Variants in MRPS5 observed in about 807,000 individuals in gnomAD.
The protein encoded by MRPS5 is mitochondrial ribosomal protein S5.
A neutral mutation model predicts 51.9 loss-of-function variants in MRPS5; 27 were observed. The observed-to-expected ratio is 0.52, with a 90% CI of 0.38 to 0.72. The LOEUF is 0.72. Among genes scored for constraint, MRPS5 ranks in the 30% least tolerant of loss-of-function variants. MRPS5 has a pLI of 0.00. For missense variants in MRPS5, 570 were observed against 545.7 expected (o/e 1.04, Z -0.44); for synonymous variants, 196 against 193.2 (o/e 1.01, Z -0.12).
At chr2:95,110,125 G>A in intron 3 of MRPS5, 84 bp from the exon 4 acceptor site, 2 of 1,520,596 alleles carry the variant, frequency 1.3e-6, no homozygotes, top group Non-Finnish European at 1.8e-6. Context: ...TAAGAGAAGT[G>A]GAGGTCAGCT....
chr2:95,099,655 A>G (rs187044169), intron 10 of MRPS5, among the ~76,000 whole-genome samples: 79 of 152,320 alleles, frequency 5.2e-4, no homozygotes, highest in Non-Finnish European at 1.2e-4. Context: ...CACCTTTTCT[A>G]AAGACAAAAC....
chr2:95,109,936 C>A lies in MRPS5; in HGVS notation c.383G>T (p.Arg128Met). ...TKKKKRKDLN[R>M]GQIIGEGRYG... ...TTTACCTTCACCAATGATCTGACCC[C>A]TGTTCAGATCCTTTCTTTTCTTCTT... The change falls in exon 4 of 12, where the codon AGG (arginine) becomes ATG (methionine). Residue 128 changes from arginine (R) to methionine (M), a missense_variant. Arg to Met is a moderately conservative substitution (Grantham distance 91). Transcript: ENST00000272418. 1 of 1,613,336 alleles carries A rather than the reference C, an allele frequency of 6.2e-7. No individual in the cohort carries two copies. Among genetic ancestry groups the A allele is most frequent in the South Asian group, 1.1e-5 (1 of 91,026 alleles).
intron 3 of MRPS5, among the ~76,000 whole-genome samples, chr2:95,114,030 G>A (rs1388190389): frequency 7.3e-6 from 1 of 137,240 alleles, no homozygotes; most frequent in African/African-American, 2.7e-5. Flanking sequence ...TGAGGCAGGA[G>A]AATCGCTCAA....
chr2:95,089,598 T>C (rs1034883895), intron 11 of MRPS5, among the ~76,000 whole-genome samples: 1 of 152,098 alleles, frequency 6.6e-6, no homozygotes, highest in Non-Finnish European at 1.5e-5. Flanking sequence ...AGTAACCTGA[T>C]ATGTTAATGT....
intron 3 of MRPS5, among the ~76,000 whole-genome samples, chr2:95,114,292 C>T (rs1676217732): frequency 6.7e-6 from 1 of 150,340 alleles, no homozygotes; most frequent in Admixed American, 6.6e-5. Context: ...GAGTCTCGCT[C>T]TGTGGCCCAG....
chr2:95,100,378 G>A, intron 10 of MRPS5, 96 bp downstream of exon 10: 1 of 850,110 alleles, frequency 1.2e-6, no homozygotes, highest in Non-Finnish European at 1.9e-6. Context: ...TTTCCAAGAT[G>A]AGTTCAACTA....
In MRPS5 at chr2:95,090,412, C is replaced by T; in HGVS notation, c.1042G>A (p.Gly348Ser). The T allele has an allele frequency of 6.2e-7, 1 of 1,613,892 alleles. No homozygotes were observed. ...GSINMLSLTQ[G>S]LFRGLSRQET... ...TGTCTGGAGAGCCCACGGAAGAGGC[C>T]CTGGGTGAGGCTGAGCATATTAATG... is the stretch of plus-strand genomic sequence containing the variant. Residue 348 changes from glycine (G) to serine (S), a missense_variant, in exon 11 of 12, where the codon GGC (glycine) becomes AGC (serine). By Grantham distance (56) the Gly-to-Ser change is moderately conservative (BLOSUM62 0). Transcript: ENST00000272418.
rs1372352820 is a variant in MRPS5, at chr2:95,104,641, T to C, written c.762A>G (p.Ala254=). The C allele has an allele frequency of 6.2e-7, 1 of 1,614,114 alleles. No individual in the cohort carries two copies. Among genetic ancestry groups the C allele is most frequent in the South Asian group, 1.1e-5 (1 of 91,084 alleles). Reference sequence around the variant, plus strand: ...GTGATGCCATCACTCCCCATTCACCTGCAGCTCCTTTTCCGTTCCCCACAG... The same window carrying C: ...GTGATGCCATCACTCCCCATTCACCCGCAGCTCCTTTTCCGTTCCCCACAG... The part of the protein sequence containing the change: ...LVAVGNGKGA[A]GFSIGKATDR... Residue 254 remains alanine, a splice_region_variant and synonymous_variant, in exon 7 of 12, where the codon GCA becomes GCG. Coordinates refer to ENST00000272418, the MANE Select transcript of MRPS5 (RefSeq NM_031902.5).
intron 3 of MRPS5, among the ~76,000 whole-genome samples, chr2:95,114,453 A>G (rs1454041525): frequency 5.9e-5 from 9 of 151,946 alleles, no homozygotes; most frequent in Admixed American, 3.3e-4. Context: ...TTGTATTTTT[A>G]GTAGAGACAG....
At chr2:95,104,380 A>G (rs1170229066) in intron 7 of MRPS5, 2 of 484,226 alleles carry the variant, frequency 4.1e-6, no homozygotes, top group Middle Eastern at 5.9e-4. Flanking sequence ...ACTATTATAC[A>G]TAATAAAATA....
chr2:95,096,708 T>C (rs1675637665), intron 10 of MRPS5, among the ~76,000 whole-genome samples: 1 of 152,190 alleles, frequency 6.6e-6, no homozygotes, highest in African/African-American at 2.4e-5. Context: ...AAGAGCTATT[T>C]ATGACAAACC....
In MRPS5 at chr2:95,108,376, C is replaced by T; in HGVS notation, c.436G>A (p.Val146Ile). The T allele has an allele frequency of 1.2e-6, 2 of 1,614,104 alleles. No homozygotes were observed. The highest frequency in any genetic ancestry group is 1.7e-6 in the Non-Finnish European group (2 of 1,180,022). ...ACTGCTCCATTTTTCATAAGAGGGACATTCAGTCCGGGCCATAGAAAACCA... is the reference window on the plus strand; with the variant it reads ...ACTGCTCCATTTTTCATAAGAGGGATATTCAGTCCGGGCCATAGAAAACCA... ...RYGFLWPGLN[V>I]PLMKNGAVQT... Residue 146 changes from valine to isoleucine, a missense_variant, in exon 5 of 12, where the codon GTC becomes ATC. Transcript: ENST00000272418.
At chr2:95,106,385 C>CAAAA in intron 6 of MRPS5, 38 bp downstream of exon 6, 4 of 925,210 alleles carry the variant, frequency 4.3e-6, no homozygotes, top group Non-Finnish European at 6.6e-6. Context: ...CCCAACCTCT[C>CAAAA]CAAAGGCTTA....
rs1400373951 is a variant in MRPS5 at position 95,087,093 on chromosome 2, C to T, written c.*264G>A. 1.1e-5 allele frequency: 4 copies of T among 369,268 alleles called. No homozygotes were observed. The highest frequency in any genetic ancestry group is 1.9e-5 in the Non-Finnish European group (4 of 207,288). The allele number at this position is 369,268 out of a possible 1,614,324, so 22.9% of individuals were successfully genotyped here. A position where few individuals can be genotyped will look rare whatever the true frequency, so the allele number is the denominator to read the frequency against. On this transcript the variant is annotated 3_prime_UTR_variant, in exon 12 of 12. Transcript: ENST00000272418. ...ACTGATTGGGTCAAATTATTAACCC[C>T]GTCTCCCTAATTCATTTACTTTTGT...
chr2:95,101,618 C>A (rs1164362042), intron 8 of MRPS5, 59 bp downstream of exon 8: 3 of 1,340,002 alleles, frequency 2.2e-6, no homozygotes, highest in East Asian at 4.7e-5. Flanking sequence ...CCCACTGTGT[C>A]TGGCATATAA....
chr2:95,113,992 C>T (rs537351911), intron 3 of MRPS5, among the ~76,000 whole-genome samples: 1 of 151,114 alleles, frequency 6.6e-6, no homozygotes, highest in Admixed American at 6.6e-5. Context: ...TGGTGGCACG[C>T]CCCTGTAGTC....
At position 95,086,725 on chromosome 2, in the gene MRPS5, A is replaced by G. The variant is rs1258194444; in HGVS notation, c.*632T>C. Among the ~76,000 whole-genome samples the G allele has an allele frequency of 6.6e-6, 1 of 152,234 alleles. No homozygotes were observed. Among genetic ancestry groups the G allele is most frequent in the Non-Finnish European group, 1.5e-5 (1 of 68,042 alleles). On this transcript the variant is annotated 3_prime_UTR_variant, in exon 12 of 12. Transcript: ENST00000272418. ...TCTAGAAACTATAAGGAACTCAATA[A>G]TAATAAAAAATAACTTTTTAAATGG...
At position 95,108,173 on chromosome 2, in the gene MRPS5, A is replaced by G. The variant is rs370921934; in HGVS notation, c.637+2T>C. The G allele has an allele frequency of 5.0e-6, 8 of 1,613,462 alleles. No homozygotes were observed. Among genetic ancestry groups the G allele is most frequent in the African/African-American group, 2.7e-5 (2 of 74,910 alleles). On this transcript the variant is annotated splice_donor_variant, in intron 5 of 11. Coordinates refer to ENST00000272418, the MANE Select transcript of MRPS5 (RefSeq NM_031902.5). LOFTEE classifies it high-confidence loss of function. ...AGGCAAACAAAACCAGGAGTTTGCTACCTCCACAGGGACCAGGGTCAGGGG... is the reference window on the plus strand; with the variant it reads ...AGGCAAACAAAACCAGGAGTTTGCTGCCTCCACAGGGACCAGGGTCAGGGG...
At chr2:95,106,321 T>C (rs761888155) in intron 6 of MRPS5, 102 bp downstream of exon 6, 5 of 927,706 alleles carry the variant, frequency 5.4e-6, no homozygotes, top group East Asian at 2.4e-5. Context: ...GAAATAGTCA[T>C]GCATCCAAGG....
Sources: gnomAD v4.1 joint callset for allele counts (sites outside exome capture counted in the v4.1 genomes callset) on GRCh38, gnomAD v4.1.1 for gene constraint, MANE v1.5 for transcripts, NCBI Gene and HGNC (gene_info 2026-07-23, HGNC 2026-07-21) for gene names.